CPSF1: variants seen among roughly 807,000 people sequenced by gnomAD.
CPSF1 encodes cleavage and polyadenylation specificity factor subunit 1.
CPSF1 carries 106 observed loss-of-function variants against 175.8 expected under a neutral mutation model. The observed-to-expected ratio is 0.60, with a 90% CI of 0.52 to 0.71. The LOEUF (loss-of-function observed/expected upper bound fraction) is 0.71, where lower values mean the gene tolerates loss of function less well. Among genes scored for constraint, CPSF1 ranks in the 30% least tolerant of loss-of-function variants. CPSF1 has a pLI of 0.00. For synonymous variants in CPSF1, 1,024 were observed against 858.3 expected (o/e 1.19, Z -3.37); for missense variants, 1,734 against 2,022.9 (o/e 0.86, Z 2.74).
rs1554862419 is a variant in CPSF1, at chr8:144,393,865, C to G, written c.4015+18G>C. The G allele has an allele frequency of 6.2e-7, 1 of 1,604,324 alleles. No homozygotes were observed. Among genetic ancestry groups the G allele is most frequent in the Non-Finnish European group, 8.5e-7 (1 of 1,176,262 alleles). ...CCTAGGGCCCCCCACCCAGACACAC[C>G]TGCTCCCCCACACTCACCAAACCAC... On this transcript the variant is annotated intron_variant, in intron 35 of 37. Transcript: ENST00000616140.
chr8:144,403,836 C>T lies in CPSF1; in HGVS notation c.145-2163G>A, dbSNP rs116340983. On this transcript the variant is annotated intron_variant, in intron 2 of 37. Coordinates refer to ENST00000616140, the MANE Select transcript of CPSF1 (RefSeq NM_013291.3). ...AAGTGCAAGGATTATAGACATGAGC[C>T]ACCGCGCCCAACTTCCTTAATCAAA... Among the ~76,000 whole-genome samples the T allele has an allele frequency of 8.0e-3, 1,220 of 152,046 alleles. 16 individuals are homozygous for T. Among genetic ancestry groups the T allele is most frequent in the African/African-American group, 0.028 (1,165 of 41,506 alleles).
intron 37 of CPSF1, 25 bp downstream of exon 37, chr8:144,393,427 C>T (rs781964433): frequency 3.3e-5 from 38 of 1,160,482 alleles, no homozygotes; most frequent in East Asian, 1.8e-4. Context: ...GGGCGGGGCG[C>T]GCGGGGGGCG....
chr8:144,400,377 G>A lies in CPSF1; in HGVS notation c.803C>T (p.Ala268Val). 1 of 1,613,908 alleles carries A rather than the reference G, an allele frequency of 6.2e-7. No individual in the cohort carries two copies. The highest frequency in any genetic ancestry group is 8.5e-7 in the Non-Finnish European group (1 of 1,179,974). ...LTSLPFDCTQ[A>V]LAVPKPIGGV... ...ACCTATGGGCTTGGGCACAGCCAGAGCCTGGGTGCAGTCAAAGGGCAGGCT... is the reference window on the plus strand; with the variant it reads ...ACCTATGGGCTTGGGCACAGCCAGAACCTGGGTGCAGTCAAAGGGCAGGCT... The change falls in exon 8 of 38, where the codon GCT (alanine) becomes GTT (valine). Residue 268 changes from alanine (A) to valine (V), a missense_variant. Ala to Val is a moderately conservative substitution (Grantham distance 64). Transcript: ENST00000616140.
At position 144,409,166 on chromosome 8, in the gene CPSF1, A is replaced by G; in HGVS notation, c.-8T>C. 6.2e-7 allele frequency: 1 copy of G among 1,605,238 alleles called. No homozygotes were observed. Among genetic ancestry groups the G allele is most frequent in the Non-Finnish European group, 8.5e-7 (1 of 1,176,352 alleles). ...TTTGTACACGGCGTACATGGCGCCA[A>G]CCCGGGCTGCGCAAGGCCGGGAGAG... On this transcript the variant is annotated 5_prime_UTR_variant, in exon 2 of 38. Coordinates refer to ENST00000616140, the MANE Select transcript of CPSF1 (RefSeq NM_013291.3).
chr8:144,408,623 G>A (rs2116911414), intron 2 of CPSF1, among the ~76,000 whole-genome samples: 2 of 152,238 alleles, frequency 1.3e-5, no homozygotes, highest in Non-Finnish European at 2.9e-5. Flanking sequence ...CTTTATTCCC[G>A]CAGCAGCACT....
At chr8:144,408,033 C>A (rs2116910091) in intron 2 of CPSF1, among the ~76,000 whole-genome samples, 1 of 152,310 alleles carries the variant, frequency 6.6e-6, no homozygotes, top group East Asian at 1.9e-4. Context: ...GGAGCCCTGG[C>A]CAGCAAATAC....
intron 2 of CPSF1, 95 bp downstream of exon 2, chr8:144,408,915 CACTCA>C: frequency 7.0e-7 from 1 of 1,422,170 alleles, no homozygotes. Context: ...TTAAGCAAAT[CACTCA>C]ACTTGTCTGG....
intron 2 of CPSF1, among the ~76,000 whole-genome samples, chr8:144,406,190 C>T (rs1329736205): frequency 6.6e-6 from 1 of 152,204 alleles, no homozygotes; most frequent in African/African-American, 2.4e-5. Flanking sequence ...AGAAGAAAAC[C>T]TCTTTTCCTG....
Position 144,395,035 on chromosome 8 carries a change from A to C in CPSF1, c.3273-12T>G. On this transcript the variant is annotated splice_polypyrimidine_tract_variant and intron_variant, in intron 29 of 37. Coordinates refer to ENST00000616140, the MANE Select transcript of CPSF1 (RefSeq NM_013291.3). ...CCTGCAGCTCGATCCTGTGGGGGCC[A>C]GGGGCCTCAGGATGCTGCCTGGAGG... 1 of 1,605,546 alleles carries C rather than the reference A, an allele frequency of 6.2e-7. No homozygotes were observed. Among genetic ancestry groups the C allele is most frequent in the Non-Finnish European group, 8.5e-7 (1 of 1,174,848 alleles).
intron 7 of CPSF1, 28 bp downstream of exon 7, chr8:144,400,643 T>G (rs2116876991): frequency 6.3e-6 from 10 of 1,598,234 alleles, no homozygotes; most frequent in Non-Finnish European, 8.5e-6. Context: ...GGGCCCACAG[T>G]GCAGAGGGGC....
Position 144,398,088 on chromosome 8 carries a change from C to A in CPSF1, c.1939G>T (p.Val647Leu). 1 of 1,610,710 alleles carries A rather than the reference C, an allele frequency of 6.2e-7. No homozygotes were observed. The highest frequency in any genetic ancestry group is 8.5e-7 in the Non-Finnish European group (1 of 1,178,780). Residue 647 changes from valine (V) to leucine (L), a missense_variant, in exon 20 of 38, where the codon GTG becomes TTG. Transcript: ENST00000616140. ...FIPVDLGAPIVQCAVADPYVV... is the reference protein window; with the variant it reads ...FIPVDLGAPILQCAVADPYVV... ...TAGGGGTCGGCCACGGCGCACTGCA[C>A]GATGGGGGCGCCCAGGTCCACGGGG... is the stretch of plus-strand genomic sequence containing the variant.
chr8:144,401,066 C>T lies in CPSF1; in HGVS notation c.397G>A (p.Val133Met), dbSNP rs2116881118. The change falls in exon 6 of 38, where the codon GTG (valine) becomes ATG (methionine). Residue 133 changes from valine to methionine, a missense_variant. Coordinates refer to ENST00000616140, the MANE Select transcript of CPSF1 (RefSeq NM_013291.3). ...ACTCGCGGCGTGTGTACATTCTGCA[C>T]AAACCCGTCCTGGGGGCAGAGGGGG... ...FEEPELRDGF[V>M]QNVHTPRVRV... 6.2e-7 allele frequency: 1 copy of T among 1,605,954 alleles called. No individual in the cohort carries two copies. The highest frequency in any genetic ancestry group is 2.2e-5 in the East Asian group (1 of 44,710).
Position 144,394,261 on chromosome 8 carries a change from C to T in CPSF1, c.3784G>A (p.Val1262Met). The T allele has an allele frequency of 6.2e-7, 1 of 1,604,532 alleles. No homozygotes were observed. Among genetic ancestry groups the T allele is most frequent in the Non-Finnish European group, 8.5e-7 (1 of 1,175,128 alleles). Residue 1262 changes from valine to methionine, a missense_variant, in exon 33 of 38, where the codon GTG (valine) becomes ATG (methionine). By Grantham distance (21) the Val-to-Met change is conservative (BLOSUM62 1). Transcript: ENST00000616140. ...PLEVYSVDFM[V>M]DNAQLGFLVS... Reference sequence around the variant, plus strand: ...AGAAAACCCAGCTGGGCATTGTCCACCATGAAGTCCACGCTGTACACCTCC... The same window carrying T: ...AGAAAACCCAGCTGGGCATTGTCCATCATGAAGTCCACGCTGTACACCTCC...
rs2116882560 is a variant in CPSF1 at position 144,401,196 on chromosome 8, G to A, written c.387+15C>T. 6.5e-7 allele frequency: 1 copy of A among 1,548,708 alleles called. No individual in the cohort carries two copies. The highest frequency in any genetic ancestry group is 2.4e-5 in the East Asian group (1 of 40,916). On this transcript the variant is annotated intron_variant, in intron 5 of 37. Coordinates refer to ENST00000616140, the MANE Select transcript of CPSF1 (RefSeq NM_013291.3). ...GCTGGGCGGGGCCTGGGCGGGGGCG[G>A]GAGCGCGGCCCTACCCGAAGCTCAG...
rs1554865753 is a variant in CPSF1, at chr8:144,399,829, G to C, written c.1071C>G (p.Val357=). Residue 357 remains valine (V), a synonymous_variant, in exon 11 of 38, where the codon GTC becomes GTG. Coordinates refer to ENST00000616140, the MANE Select transcript of CPSF1 (RefSeq NM_013291.3). This position sits in a 1 kb window ranked among gnomAD's most constrained non-coding sequence, Gnocchi z 6.4. Reference sequence around the variant, plus strand: ...CCGCCTTGTCAAAGTGGAACGCTCGGACACTGCGCATGCCGTCGGTGATGA... The same window carrying C: ...CCGCCTTGTCAAAGTGGAACGCTCGCACACTGCGCATGCCGTCGGTGATGA... ...LTLITDGMRS[V]RAFHFDKAAA... The C allele has an allele frequency of 3.2e-6, 5 of 1,556,476 alleles. No individual in the cohort carries two copies. In the South Asian group the frequency reaches 5.9e-5, roughly 18 times the overall value.
chr8:144,400,135 G>GGGCGCCCCC, intron 9 of CPSF1, 31 bp downstream of exon 9: 1 of 896,004 alleles, frequency 1.1e-6, no homozygotes, highest in Non-Finnish European at 1.6e-6. Context: ...CCGTCCCCGG[G>GGGCGCCCCC]CCCCCCCCGC....
chr8:144,393,513 A>C lies in CPSF1; in HGVS notation c.4223T>G (p.Leu1408Arg), dbSNP rs1554862071. 6.3e-7 allele frequency: 1 copy of C among 1,590,730 alleles called. No homozygotes were observed. The highest frequency in any genetic ancestry group is 8.5e-7 in the Non-Finnish European group (1 of 1,170,686). ...GCTGCGCTCCATGGTGCTCAGGTAC[A>C]GGTAGCGGTTGAGCAGCTCCCCATC... Reference protein sequence around the residue: ...VLDGELLNRYLYLSTMERSEL... With the variant: ...VLDGELLNRYRYLSTMERSEL... Residue 1408 changes from leucine to arginine, a missense_variant, in exon 37 of 38, where the codon CTG becomes CGG. Physicochemically the swap from Leu to Arg is moderately radical, Grantham distance 102 (BLOSUM62 -2). Coordinates refer to ENST00000616140, the MANE Select transcript of CPSF1 (RefSeq NM_013291.3).
In CPSF1 at chr8:144,395,114, C is replaced by G. The variant is rs1554863189; in HGVS notation, c.3256G>C (p.Ala1086Pro). 2 of 1,611,352 alleles carry G rather than the reference C, an allele frequency of 1.2e-6. No individual in the cohort carries two copies. The highest frequency in any genetic ancestry group is 1.7e-5 in the Admixed American group (1 of 59,908). The part of the protein sequence containing the change: ...IQLISPVSWE[A>P]IPNARIELQE... ...CAGCCTCACCTGGCATTGGGAATAG[C>G]CTCCCAGCTGACCGGGGAGATGAGC... The change falls in exon 29 of 38, where the codon GCT (alanine) becomes CCT (proline). Residue 1086 changes from alanine (A) to proline (P), a missense_variant. By Grantham distance (27) the Ala-to-Pro change is conservative. Around this residue, in one of 10 missense-constraint regions of CPSF1, gnomAD observed 585 missense variants for 584.7 expected, o/e 1.00. Transcript: ENST00000616140.
chr8:144,403,494 C>T (rs2116895015), intron 2 of CPSF1, among the ~76,000 whole-genome samples: 213 of 152,212 alleles, frequency 1.4e-3, no homozygotes, highest in Non-Finnish European at 2.0e-3. Context: ...GGTGATCCTC[C>T]CACCTCAGCC....
Sources: allele counts gnomAD v4.1 joint callset (sites outside exome capture counted in the v4.1 genomes callset), GRCh38; gene constraint gnomAD v4.1.1; regional missense constraint gnomAD v4.1.1; non-coding constraint Gnocchi (gnomAD v3.1); transcripts MANE v1.5; gene names NCBI Gene and HGNC (gene_info 2026-07-23, HGNC 2026-07-21).